The following EYS variants were observed in gnomAD, a reference collection of about 807,000 sequenced individuals.
The protein encoded by EYS is EGF-like photoreceptor maintenance factor, also known as protein eyes shut homolog.
A neutral mutation model predicts 282.1 loss-of-function variants in EYS; 250 were observed. That is an observed-to-expected ratio of 0.89 (90% CI 0.80 to 0.98). The LOEUF is 0.98. EYS is among the 50% of genes least tolerant of loss of function. EYS has a pLI of 0.00. For missense variants in EYS, 4,016 were observed against 3,709.0 expected, an observed-to-expected ratio of 1.08 and a Z score of -2.15; for synonymous variants, 1,355 against 1,282.9, an observed-to-expected ratio of 1.06 and a Z score of -1.20.
intron 36 of EYS, among the ~76,000 whole-genome samples, chr6:63,846,149 C>T (rs1408446520): frequency 1.3e-5 from 2 of 152,138 alleles, no homozygotes; most frequent in Non-Finnish European, 2.9e-5. Context: ...ACATAGACAT[C>T]AAACTTAAAA....
chr6:64,818,941 G>A (rs1352402556), intron 21 of EYS, among the ~76,000 whole-genome samples: 1 of 152,072 alleles, frequency 6.6e-6, no homozygotes, highest in Non-Finnish European at 1.5e-5. Context: ...CAGCAATTTT[G>A]CTTGTCTTGC....
chr6:64,043,170 A>G (rs1294605463), intron 33 of EYS, among the ~76,000 whole-genome samples: 1 of 152,236 alleles, frequency 6.6e-6, no homozygotes, highest in East Asian at 1.9e-4. Flanking sequence ...AACTAATGAT[A>G]AAATACCATT....
chr6:65,225,777 C>CA (rs1210179251), intron 12 of EYS, among the ~76,000 whole-genome samples: 1 of 147,840 alleles, frequency 6.8e-6, no homozygotes, highest in African/African-American at 2.5e-5. Flanking sequence ...TGAAAGAGAC[C>CA]AAAAAACTAC....
rs573512795 is a variant in EYS, at chr6:64,482,535, ATAG to A, written c.5645-43186_5645-43184del. Among the ~76,000 whole-genome samples the A allele has an allele frequency of 2.8e-3, 431 of 151,822 alleles. 4 individuals carry two copies. Among genetic ancestry groups the A allele is most frequent in the Middle Eastern group, 0.01 (3 of 294 alleles). On this transcript the variant is annotated intron_variant, in intron 26 of 42. Transcript: ENST00000503581. ...CAGTTTACTCATCAGTTTAATGGAC[ATAG>A]TAGTTTCTATCTCACAGATTTTTGA...
intron 22 of EYS, among the ~76,000 whole-genome samples, chr6:64,690,928 T>G (rs1390035448): frequency 1.3e-4 from 20 of 151,940 alleles, no homozygotes; most frequent in Admixed American, 1.3e-3. Context: ...TGTATACATA[T>G]GTAGCAAACC....
intron 28 of EYS, among the ~76,000 whole-genome samples, chr6:64,401,170 G>T (rs1245504669): frequency 6.6e-6 from 1 of 151,976 alleles, no homozygotes; most frequent in Non-Finnish European, 1.5e-5. Flanking sequence ...ATTCAAAAAG[G>T]CAGAAAATAG....
intron 13 of EYS, among the ~76,000 whole-genome samples, chr6:65,008,160 T>A (rs1771744275): frequency 6.6e-6 from 1 of 152,084 alleles, no homozygotes; most frequent in African/African-American, 2.4e-5. Flanking sequence ...TAAGGAAAAC[T>A]AGGAAGACTA....
chr6:65,330,680 T>C (rs1769763149), intron 11 of EYS: 2 of 939,992 alleles, frequency 2.1e-6, no homozygotes, highest in Admixed American at 1.2e-4. Flanking sequence ...ATCAACATTA[T>C]TAGTGTCTAT....
chr6:64,584,945 C>CTATA (rs1190576847), intron 26 of EYS, among the ~76,000 whole-genome samples: 1 of 151,972 alleles, frequency 6.6e-6, no homozygotes. Flanking sequence ...TAAATAAATA[C>CTATA]TATTATTTGA....
intron 29 of EYS, among the ~76,000 whole-genome samples, chr6:64,383,578 G>A (rs1323371349): frequency 6.6e-6 from 1 of 152,194 alleles, no homozygotes; most frequent in Non-Finnish European, 1.5e-5. Context: ...ACATGGTAGT[G>A]AAACCTTGAT....
intron 13 of EYS, among the ~76,000 whole-genome samples, chr6:65,050,375 A>C (rs2150154095): frequency 6.6e-6 from 1 of 151,794 alleles, no homozygotes; most frequent in East Asian, 1.9e-4. Context: ...ATGAAAGACA[A>C]AATTAACTTC....
chr6:65,055,115 A>G (rs973138691), intron 13 of EYS, among the ~76,000 whole-genome samples: 2 of 151,960 alleles, frequency 1.3e-5, no homozygotes, highest in Admixed American at 1.3e-4. Context: ...CTGAGTAGCT[A>G]GGACCACAAG....
intron 1 of EYS, among the ~76,000 whole-genome samples, chr6:65,651,807 T>C (rs1206703458): frequency 6.6e-6 from 1 of 152,058 alleles, no homozygotes; most frequent in Non-Finnish European, 1.5e-5. Flanking sequence ...GTGTAACCAG[T>C]CTCTTTAATC....
chr6:64,635,881 T>C (rs1269614627), intron 22 of EYS, among the ~76,000 whole-genome samples: 3 of 152,212 alleles, frequency 2.0e-5, no homozygotes, highest in African/African-American at 4.8e-5. Flanking sequence ...TTTATTGGAA[T>C]AGTTTCAGAA....
At chr6:63,768,430 C>T (rs1769849896) in intron 40 of EYS, among the ~76,000 whole-genome samples, 1 of 152,022 alleles carries the variant, frequency 6.6e-6, no homozygotes, top group Admixed American at 6.6e-5. Context: ...TGAACAGACA[C>T]TTCTCAAAAG....
chr6:64,421,127 A>G (rs1774219024), intron 28 of EYS, among the ~76,000 whole-genome samples: 1 of 152,150 alleles, frequency 6.6e-6, no homozygotes. Flanking sequence ...GGTTTAATTA[A>G]CTCACAGTTC....
At chr6:64,400,093 T>G (rs1773496436) in intron 28 of EYS, among the ~76,000 whole-genome samples, 1 of 151,946 alleles carries the variant, frequency 6.6e-6, no homozygotes, top group Non-Finnish European at 1.5e-5. Context: ...GAATATATCA[T>G]GAGGGAAATT....
At chr6:65,235,797 C>T (rs538499598) in intron 12 of EYS, among the ~76,000 whole-genome samples, 12 of 152,024 alleles carry the variant, frequency 7.9e-5, no homozygotes, top group Non-Finnish European at 1.5e-4. Flanking sequence ...TTGTAATAAT[C>T]ATTATTATGA....
At chr6:64,916,489 C>T (rs73767176) in intron 15 of EYS, among the ~76,000 whole-genome samples, 83 of 152,268 alleles carry the variant, frequency 5.5e-4, no homozygotes, top group African/African-American at 1.9e-3. Context: ...TAGTGACTAA[C>T]AATCATACCT....
Sources: allele counts gnomAD v4.1 joint callset (sites outside exome capture counted in the v4.1 genomes callset), GRCh38; gene constraint gnomAD v4.1.1; transcripts MANE v1.5; gene names NCBI Gene and HGNC (gene_info 2026-07-23, HGNC 2026-07-21).